The following SGPL1 variants were observed in gnomAD, a reference collection of about 807,000 sequenced individuals.
SGPL1 encodes sphingosine-1-phosphate lyase 1, also known as SP-lyase 1.
A neutral mutation model predicts 68.9 loss-of-function variants in SGPL1; 37 were observed. The ratio of observed to expected loss-of-function variants is 0.54; its 90% CI spans 0.41 to 0.71. The LOEUF (loss-of-function observed/expected upper bound fraction) is 0.71, where lower values mean the gene tolerates loss of function less well. Ranked by LOEUF, SGPL1 falls within the 30% of genes least tolerant of loss-of-function variation. SGPL1 has a pLI of 0.00. For missense variants in SGPL1, 551 were observed against 704.6 expected (o/e 0.78, Z 2.47); for synonymous variants, 236 against 248.5 (o/e 0.95, Z 0.47).
chr10:70,820,711 G>T (rs574617787), intron 2 of SGPL1, among the ~76,000 whole-genome samples: 222 of 152,042 alleles, frequency 1.5e-3, no homozygotes, highest in Admixed American at 3.9e-3. Flanking sequence ...GGAGGTGGAG[G>T]TTGCAGTGAG....
At chr10:70,872,413 C>T (rs536823544) in intron 11 of SGPL1, among the ~76,000 whole-genome samples, 8 of 152,134 alleles carry the variant, frequency 5.3e-5, no homozygotes, top group Admixed American at 1.3e-4. Flanking sequence ...GCGTACATGA[C>T]GGGAAAATGT....
intron 2 of SGPL1, among the ~76,000 whole-genome samples, chr10:70,828,635 G>A (rs539360468): frequency 6.6e-6 from 1 of 152,296 alleles, no homozygotes; most frequent in Non-Finnish European, 1.5e-5. Context: ...TTCTTTTTGA[G>A]TATGAAAAGG....
chr10:70,826,983 T>G (rs1179781136), intron 2 of SGPL1, among the ~76,000 whole-genome samples: 2 of 152,256 alleles, frequency 1.3e-5, no homozygotes, highest in Non-Finnish European at 2.9e-5. Flanking sequence ...CAAACATTGC[T>G]GTTATGAGCG....
intron 2 of SGPL1, among the ~76,000 whole-genome samples, chr10:70,832,224 C>T (rs1258736377): frequency 6.6e-6 from 1 of 152,186 alleles, no homozygotes; most frequent in Non-Finnish European, 1.5e-5. Context: ...TTCGAAGATG[C>T]ACTTTCCAAA....
rs908006666 is a variant in SGPL1, at chr10:70,857,230, A to G, written c.410-384A>G. The G allele has an allele frequency of 8.3e-5, 19 of 230,298 alleles. No individual in the cohort carries two copies. The Admixed American group carries it at 9.0e-4, about 11-fold the overall frequency. 14.3% of individuals were successfully genotyped at this position (230,298 alleles called of 1,614,324 possible). A position where few individuals can be genotyped will look rare whatever the true frequency, so the allele number is the denominator to read the frequency against. The stretch of plus-strand genomic sequence containing the variant: ...CAAAATTCCTAGGACTGGATAGGAA[A>G]GGAGAGAAGAAGGAAGCTATTGCAG... On this transcript the variant is annotated intron_variant, in intron 5 of 14. Coordinates refer to ENST00000373202, the MANE Select transcript of SGPL1 (RefSeq NM_003901.4).
intron 2 of SGPL1, among the ~76,000 whole-genome samples, chr10:70,832,766 A>T (rs1038980911): frequency 6.6e-6 from 1 of 152,044 alleles, no homozygotes; most frequent in Non-Finnish European, 1.5e-5. Context: ...AAATTTGCAT[A>T]TTTTTCCCCC....
rs1845988210 is a variant in SGPL1 at position 70,857,685 on chromosome 10, G to T, written c.481G>T (p.Val161Leu). The change falls in exon 6 of 15, where the codon GTG (valine) becomes TTG (leucine). Residue 161 changes from valine to leucine, a missense_variant. Physicochemically the swap from Val to Leu is conservative, Grantham distance 32. Transcript: ENST00000373202. ...SGEEKLTELL[V>L]KAYGDFAWSN... ...GGAGGAGAAGCTCACTGAGCTCCTT[G>T]TGAAGGTGAGTGTCCAGTTCTTGAG... is the stretch of plus-strand genomic sequence containing the variant. 3.1e-6 allele frequency: 5 copies of T among 1,608,304 alleles called. No homozygotes were observed. The highest frequency in any genetic ancestry group is 4.3e-6 in the Non-Finnish European group (5 of 1,176,004).
At chr10:70,823,170 C>G (rs1310828715) in intron 2 of SGPL1, among the ~76,000 whole-genome samples, 1 of 151,918 alleles carries the variant, frequency 6.6e-6, no homozygotes, top group Non-Finnish European at 1.5e-5. Context: ...ATCTCTCTCA[C>G]TCTCTCTGGC....
At chr10:70,841,268 T>C (rs1845709542) in intron 2 of SGPL1, among the ~76,000 whole-genome samples, 1 of 152,088 alleles carries the variant, frequency 6.6e-6, no homozygotes, top group Non-Finnish European at 1.5e-5. Context: ...CCAGGGAACT[T>C]AGTAGTTGTC....
At chr10:70,846,850 G>C (rs1010597861) in intron 3 of SGPL1, among the ~76,000 whole-genome samples, 5 of 151,954 alleles carry the variant, frequency 3.3e-5, no homozygotes, top group African/African-American at 1.2e-4. Flanking sequence ...TTGTGAAATG[G>C]GTAAATTGAG....
chr10:70,860,000 C>T (rs1846023879), intron 7 of SGPL1, among the ~76,000 whole-genome samples: 1 of 152,130 alleles, frequency 6.6e-6, no homozygotes, highest in South Asian at 2.1e-4. Flanking sequence ...TAGTGTACTT[C>T]TGGTTTTACC....
At chr10:70,827,970 TTTTC>T (rs1302629142) in intron 2 of SGPL1, among the ~76,000 whole-genome samples, 3 of 152,214 alleles carry the variant, frequency 2.0e-5, no homozygotes, top group African/African-American at 2.4e-5. Context: ...TAGCATTAGT[TTTTC>T]TTTCTTATTG....
intron 7 of SGPL1, among the ~76,000 whole-genome samples, chr10:70,865,880 T>A (rs2131929572): frequency 6.6e-6 from 1 of 152,332 alleles, no homozygotes; most frequent in African/African-American, 2.4e-5. Flanking sequence ...TCCAAGTAGA[T>A]GTTGTTCTCT....
At chr10:70,822,190 G>A (rs1263591102) in intron 2 of SGPL1, among the ~76,000 whole-genome samples, 2 of 152,062 alleles carry the variant, frequency 1.3e-5, no homozygotes, top group African/African-American at 4.8e-5. Flanking sequence ...CTAGAAGAAA[G>A]GGAAAATTCA....
intron 2 of SGPL1, among the ~76,000 whole-genome samples, chr10:70,834,118 A>G (rs1208142859): frequency 6.6e-6 from 1 of 152,138 alleles, no homozygotes; most frequent in Non-Finnish European, 1.5e-5. Context: ...TAAGTCAGCT[A>G]CTGGGTCATC....
chr10:70,842,555 G>A (rs1845731817), intron 2 of SGPL1, among the ~76,000 whole-genome samples: 1 of 152,116 alleles, frequency 6.6e-6, no homozygotes, highest in African/African-American at 2.4e-5. Context: ...TACAATCATG[G>A]CGGAAGGCAA....
intron 7 of SGPL1, among the ~76,000 whole-genome samples, chr10:70,862,883 C>T (rs1846102377): frequency 6.6e-6 from 1 of 152,332 alleles, no homozygotes; most frequent in East Asian, 1.9e-4. Context: ...TCAGTGAGAC[C>T]AAGAACCCAC....
chr10:70,874,091 G>C (rs1262494925), intron 12 of SGPL1, among the ~76,000 whole-genome samples: 1 of 152,170 alleles, frequency 6.6e-6, no homozygotes, highest in Admixed American at 6.5e-5. Flanking sequence ...GAAAATAATT[G>C]GAAATGGGCC....
At position 70,854,780 on chromosome 10, in the gene SGPL1, T is replaced by C. The variant is rs1331309479; in HGVS notation, c.334T>C (p.Tyr112His). ...NMSFLKVDKE[Y>H]VKALPSQGLS... is the part of the protein sequence containing the mutation. ...GTCATTCCTGAAAGTGGACAAAGAGTATGTGAAAGCTTTACCCTCCCAGGG... is the reference window on the plus strand; with the variant it reads ...GTCATTCCTGAAAGTGGACAAAGAGCATGTGAAAGCTTTACCCTCCCAGGG... Residue 112 changes from tyrosine to histidine, a missense_variant, in exon 5 of 15, where the codon TAT (tyrosine) becomes CAT (histidine). Coordinates refer to ENST00000373202, the MANE Select transcript of SGPL1 (RefSeq NM_003901.4). 7 of 1,613,898 alleles carry C rather than the reference T, an allele frequency of 4.3e-6. No individual in the cohort carries two copies. The highest frequency in any genetic ancestry group is 5.9e-6 in the Non-Finnish European group (7 of 1,179,896).
Sources: gnomAD v4.1 joint callset for allele counts (sites outside exome capture counted in the v4.1 genomes callset) on GRCh38, gnomAD v4.1.1 for gene constraint, MANE v1.5 for transcripts, NCBI Gene and HGNC (gene_info 2026-07-23, HGNC 2026-07-21) for gene names.